The following LRRC69 variants were observed in gnomAD, a reference collection of about 807,000 sequenced individuals.
The protein encoded by LRRC69 is leucine rich repeat containing 69.
LRRC69 carries 42 observed loss-of-function variants against 37.8 expected under a neutral mutation model. The ratio of observed to expected loss-of-function variants is 1.11; its 90% CI spans 0.87 to 1.44. The LOEUF (loss-of-function observed/expected upper bound fraction) is 1.44, where lower values mean the gene tolerates loss of function less well. Ranked by LOEUF, LRRC69 falls within the 40% of genes most tolerant of loss-of-function variation. LRRC69 has a pLI of 0.00. For synonymous variants in LRRC69, 141 were observed against 143.1 expected (o/e 0.99, Z 0.11); for missense variants, 357 against 401.9 (o/e 0.89, Z 0.96).
At chr8:91,199,338 G>C (rs1002655045) in intron 6 of LRRC69, among the ~76,000 whole-genome samples, 6 of 152,150 alleles carry the variant, frequency 3.9e-5, no homozygotes, top group Non-Finnish European at 5.9e-5. Context: ...AGCTTAAGTG[G>C]GTAGGAGGTT....
chr8:91,133,277 C>A, exon 4 of LRRC69: 1 of 1,510,918 alleles, frequency 6.6e-7, no homozygotes, highest in Non-Finnish European at 8.8e-7. Context: ...CTTTTGCTAG[C>A]CAGAAACAAC....
intron 6 of LRRC69, among the ~76,000 whole-genome samples, chr8:91,191,052 C>CG (rs796536791): frequency 3.4e-5 from 5 of 145,348 alleles, no homozygotes; most frequent in Non-Finnish European, 6.1e-5. Context: ...CCCCCCCCCC[C>CG]CCAAGTCAAA....
intron 1 of LRRC69, chr8:91,118,383 A>G (rs1793552633): frequency 4.4e-6 from 1 of 225,756 alleles, no homozygotes; most frequent in Admixed American, 6.8e-5. Context: ...AAAAAAAAAA[A>G]AAAAAAAAAA....
intron 2 of LRRC69, 47 bp downstream of exon 2, chr8:91,124,666 CT>C: frequency 6.9e-7 from 1 of 1,442,900 alleles, no homozygotes; most frequent in African/African-American, 1.5e-5. Context: ...AATTTAATCT[CT>C]CATATTTAAT....
At chr8:91,109,134 A>G (rs569001948) in intron 1 of LRRC69, among the ~76,000 whole-genome samples, 1 of 146,092 alleles carries the variant, frequency 6.8e-6, no homozygotes, top group South Asian at 2.4e-4. Context: ...TCCTGGTACA[A>G]GGGCACATAG....
intron 5 of LRRC69, among the ~76,000 whole-genome samples, chr8:91,175,187 GA>G (rs1475733941): frequency 6.6e-6 from 1 of 151,992 alleles, no homozygotes; most frequent in African/African-American, 2.4e-5. Flanking sequence ...ATCTCATGGG[GA>G]CTCAAACAGG....
intron 1 of LRRC69, among the ~76,000 whole-genome samples, chr8:91,104,224 C>T (rs1161663607): frequency 6.6e-6 from 1 of 151,940 alleles, no homozygotes; most frequent in Non-Finnish European, 1.5e-5. Flanking sequence ...TCTTTTGACT[C>T]CCCACTTCGT....
intron 5 of LRRC69, among the ~76,000 whole-genome samples, chr8:91,170,257 C>T (rs1809104004): frequency 9.2e-6 from 1 of 108,454 alleles, no homozygotes; most frequent in African/African-American, 3.7e-5. Flanking sequence ...TTTTGATTTG[C>T]ATTTCTCTGA....
At chr8:91,203,161 T>G (rs1809738937) in intron 7 of LRRC69, among the ~76,000 whole-genome samples, 1 of 152,124 alleles carries the variant, frequency 6.6e-6, no homozygotes, top group Non-Finnish European at 1.5e-5. Context: ...GACTCCTATC[T>G]AGTCTGTTAG....
intron 6 of LRRC69, among the ~76,000 whole-genome samples, chr8:91,193,679 G>T (rs1411056887): frequency 1.1e-5 from 1 of 89,782 alleles, no homozygotes; most frequent in Non-Finnish European, 2.2e-5. Context: ...GAATGCTTGT[G>T]ATTTTTGTAC....
At chr8:91,195,156 G>C (rs1305083213) in intron 6 of LRRC69, among the ~76,000 whole-genome samples, 1 of 152,136 alleles carries the variant, frequency 6.6e-6, no homozygotes, top group Non-Finnish European at 1.5e-5. Context: ...GAGCGGTTTT[G>C]AGTGAGATTC....
At chr8:91,125,115 C>T (rs1055717582) in intron 2 of LRRC69, among the ~76,000 whole-genome samples, 15 of 151,794 alleles carry the variant, frequency 9.9e-5, no homozygotes, top group African/African-American at 3.6e-4. Context: ...AATAATTTCT[C>T]CATTCAAGAT....
At chr8:91,158,673 T>C (rs945919968) in intron 5 of LRRC69, 24 of 1,251,194 alleles carry the variant, frequency 1.9e-5, no homozygotes, top group Non-Finnish European at 2.7e-5. Flanking sequence ...GTTACTCCAC[T>C]GCCATGTGAC....
intron 1 of LRRC69, among the ~76,000 whole-genome samples, chr8:91,108,407 G>C (rs1227886172): frequency 1.3e-5 from 2 of 152,020 alleles, no homozygotes; most frequent in Non-Finnish European, 2.9e-5. Flanking sequence ...AATAGGTTTA[G>C]TGGGGAAAGT....
intron 1 of LRRC69, among the ~76,000 whole-genome samples, chr8:91,122,957 A>T (rs1385017266): frequency 1.3e-5 from 2 of 152,100 alleles, no homozygotes; most frequent in African/African-American, 2.4e-5. Context: ...ACCCTAGATT[A>T]TCCAGGTGGA....
At chr8:91,118,789 C>T (rs934706248) in intron 1 of LRRC69, among the ~76,000 whole-genome samples, 5 of 152,020 alleles carry the variant, frequency 3.3e-5, no homozygotes, top group Admixed American at 6.6e-5. Context: ...TACACATAAC[C>T]GTAGAGAATG....
rs914413814 is a variant in LRRC69, at chr8:91,195,378, A to G, written c.754-5235A>G. Among the ~76,000 whole-genome samples the G allele has an allele frequency of 1.2e-3, 184 of 151,544 alleles. 1 individual carries two copies. The highest frequency in any genetic ancestry group is 6.9e-3 in the Middle Eastern group (2 of 288). The stretch of plus-strand genomic sequence containing the variant: ...ATTAGGTCCGCTTGGTGCAGAGCTG[A>G]GTTCAATTCCTGGGTATCCTTGTTG... On this transcript the variant is annotated intron_variant, in intron 6 of 7. Coordinates refer to ENST00000448384, the Ensembl canonical transcript of LRRC69.
intron 5 of LRRC69, among the ~76,000 whole-genome samples, chr8:91,179,676 C>T (rs62526730): frequency 0.46 from 70,195 of 152,068 alleles, 17,735 homozygotes; most frequent in South Asian, 0.65. Flanking sequence ...GCATTCACTA[C>T]CTTTTATTGA....
In LRRC69 at chr8:91,121,834, G is replaced by C. The variant is rs571646161; in HGVS notation, c.184-2659G>C. 3.3e-5 allele frequency among the ~76,000 whole-genome samples: 5 copies of C among 152,108 alleles called. No homozygotes were observed. The South Asian group carries it at 1.0e-3, about 31-fold the overall frequency. ...AGAGATATGTATTCACTTAGAATAT[G>C]TGCAGTTTAGACTGCATTTTTAAGC... is the stretch of plus-strand genomic sequence containing the variant. On this transcript the variant is annotated intron_variant, in intron 1 of 7. Coordinates refer to ENST00000448384, the Ensembl canonical transcript of LRRC69.
Sources: allele counts gnomAD v4.1 joint callset (sites outside exome capture counted in the v4.1 genomes callset), GRCh38; gene constraint gnomAD v4.1.1; transcripts MANE v1.5; gene names NCBI Gene and HGNC (gene_info 2026-07-23, HGNC 2026-07-21).